CSMD1: variants seen among roughly 807,000 people sequenced by gnomAD.
CSMD1 encodes the protein CUB and sushi domain-containing protein 1.
Under a neutral mutation model 417.5 loss-of-function variants are expected in CSMD1, and 213 were observed. The ratio of observed to expected loss-of-function variants is 0.51; its 90% confidence interval spans 0.46 to 0.57. The LOEUF is 0.57. Ranked by LOEUF, CSMD1 falls within the 20% of genes least tolerant of loss-of-function variation. The pLI is 0.00. For synonymous variants in CSMD1, 2,862 were observed against 1,736.8 expected (o/e 1.65, Z -16.11); for missense variants, 6,923 against 4,529.7 (o/e 1.53, Z -15.17).
intron 3 of CSMD1, among the ~76,000 whole-genome samples, chr8:4,333,638 C>G (rs981921293): frequency 1.2e-4 from 18 of 152,090 alleles, no homozygotes; most frequent in Admixed American, 1.3e-4. Context: ...TGATCTAAAT[C>G]TAGACACACT....
chr8:3,673,741 A>G (rs1447860839), intron 7 of CSMD1, among the ~76,000 whole-genome samples: 2 of 152,288 alleles, frequency 1.3e-5, no homozygotes, highest in East Asian at 1.9e-4. Flanking sequence ...CCACGAAACT[A>G]TTGGAGCTAT....
chr8:3,099,697 T>A (rs1815593431), intron 46 of CSMD1, among the ~76,000 whole-genome samples: 1 of 152,290 alleles, frequency 6.6e-6, no homozygotes, highest in African/African-American at 2.4e-5. Flanking sequence ...CATCCTGGGG[T>A]TTGACAGCAG....
At position 3,439,281 on chromosome 8, in the gene CSMD1, G is replaced by GTATATATATA. The variant is rs1168340584; in HGVS notation, c.1561+29421_1561+29430dup. ...TATTTGAGAGCATTTGGCAATGTCA[G>GTATATATATA]TATATATATATATATATATATATAT... On this transcript the variant is annotated intron_variant, in intron 12 of 69. Transcript: ENST00000635120. Among the ~76,000 whole-genome samples, 33 of 54,312 alleles carry GTATATATATA rather than the reference G, an allele frequency of 6.1e-4. 1 individual carries two copies. The highest frequency in any genetic ancestry group is 1.1e-3 in the African/African-American group (13 of 11,874). The allele number at this position is 54,312 out of a possible 152,430, so 35.6% of individuals were successfully genotyped here. A position where few individuals can be genotyped will look rare whatever the true frequency, so the allele number is the denominator to read the frequency against.
intron 3 of CSMD1, among the ~76,000 whole-genome samples, chr8:4,072,052 T>C (rs1294453228): frequency 6.6e-6 from 1 of 151,952 alleles, no homozygotes. Flanking sequence ...TAGGATAGAG[T>C]TTTGGTTTTG....
chr8:3,273,506 G>A (rs893065437), intron 26 of CSMD1, among the ~76,000 whole-genome samples: 6 of 152,176 alleles, frequency 3.9e-5, no homozygotes, highest in African/African-American at 7.2e-5. Context: ...CAGAAGGAAT[G>A]GTACAAATTC....
chr8:4,081,165 T>C (rs1031884074), intron 3 of CSMD1, among the ~76,000 whole-genome samples: 7 of 152,152 alleles, frequency 4.6e-5, no homozygotes, highest in African/African-American at 1.4e-4. Flanking sequence ...TCCAGCATTG[T>C]GATAAATAAA....
At chr8:3,993,913 A>T (rs765579128) in intron 5 of CSMD1, among the ~76,000 whole-genome samples, 3 of 152,174 alleles carry the variant, frequency 2.0e-5, no homozygotes, top group Non-Finnish European at 4.4e-5. Context: ...CCACGTGGAA[A>T]CGTGCAGCTG....
At chr8:4,166,776 G>A (rs1056701221) in intron 3 of CSMD1, among the ~76,000 whole-genome samples, 3 of 152,128 alleles carry the variant, frequency 2.0e-5, no homozygotes, top group Admixed American at 2.0e-4. Flanking sequence ...GCAAAATGTA[G>A]CCCTACCAAA....
chr8:4,777,908 C>T (rs569597809), intron 1 of CSMD1, among the ~76,000 whole-genome samples: 170 of 152,318 alleles, frequency 1.1e-3, no homozygotes, highest in African/African-American at 4.0e-3. Context: ...ACCTATCCCA[C>T]ATCAAAGGGC....
intron 7 of CSMD1, among the ~76,000 whole-genome samples, chr8:3,651,503 A>G (rs1225223526): frequency 1.3e-5 from 2 of 152,088 alleles, no homozygotes; most frequent in Non-Finnish European, 2.9e-5. Flanking sequence ...TTATCTGCAT[A>G]GCTGGCCTCG....
intron 3 of CSMD1, among the ~76,000 whole-genome samples, chr8:4,408,479 A>G (rs1211023904): frequency 6.6e-6 from 1 of 152,234 alleles, no homozygotes; most frequent in Non-Finnish European, 1.5e-5. Flanking sequence ...ACTGTTTTTA[A>G]TAGCTTAATT....
chr8:3,605,294 G>C (rs1395009617), intron 8 of CSMD1, among the ~76,000 whole-genome samples: 1 of 152,166 alleles, frequency 6.6e-6, no homozygotes, highest in African/African-American at 2.4e-5. Flanking sequence ...CCAGATGAAA[G>C]CAATTCTTAC....
intron 52 of CSMD1, among the ~76,000 whole-genome samples, chr8:3,017,218 G>A (rs915437052): frequency 6.6e-6 from 1 of 152,170 alleles, no homozygotes; most frequent in Non-Finnish European, 1.5e-5. Flanking sequence ...CCCTCCCAGT[G>A]GAACTGGGCT....
At chr8:4,984,453 G>A (rs1811063663) in intron 1 of CSMD1, among the ~76,000 whole-genome samples, 1 of 152,198 alleles carries the variant, frequency 6.6e-6, no homozygotes, top group South Asian at 2.1e-4. Context: ...GTGGCCCTGA[G>A]CATCAGTGTT....
In CSMD1 at chr8:4,716,726, C is replaced by G. The variant is rs375784356; in HGVS notation, c.86-79168G>C. 3.9e-5 allele frequency among the ~76,000 whole-genome samples: 6 copies of G among 152,202 alleles called. No individual in the cohort carries two copies. In the East Asian group the frequency reaches 1.2e-3, roughly 29 times the overall value. ...TTCAAGATGATTTTAATTTTGTAGT[C>G]TTGTGAGAATTAACTAAAAACTGAG... On this transcript the variant is annotated intron_variant, in intron 1 of 69. Coordinates refer to ENST00000635120, the MANE Select transcript of CSMD1 (RefSeq NM_033225.6).
At chr8:4,364,460 A>G (rs1620604) in intron 3 of CSMD1, among the ~76,000 whole-genome samples, 3,768 of 152,216 alleles carry the variant, frequency 0.025, 152 homozygotes, top group African/African-American at 0.086. Flanking sequence ...AAAGTAATCT[A>G]TTTTTAGTAA....
At chr8:3,869,788 C>T (rs1451522565) in intron 5 of CSMD1, among the ~76,000 whole-genome samples, 17 of 152,060 alleles carry the variant, frequency 1.1e-4, no homozygotes, top group Admixed American at 1.1e-3. Flanking sequence ...TCAGGGAAGG[C>T]AAGATGGGAG....
chr8:3,218,658 G>C (rs957516231), intron 29 of CSMD1, among the ~76,000 whole-genome samples: 1 of 151,986 alleles, frequency 6.6e-6, no homozygotes, highest in African/African-American at 2.4e-5. Context: ...GATCACCTGA[G>C]GTCAGGAGAT....
intron 3 of CSMD1, among the ~76,000 whole-genome samples, chr8:4,206,897 A>G (rs1379606005): frequency 6.6e-6 from 1 of 152,232 alleles, no homozygotes; most frequent in Non-Finnish European, 1.5e-5. Context: ...CAGAAACTAA[A>G]TATTTTATAA....
Sources: gnomAD v4.1 joint callset for allele counts (sites outside exome capture counted in the v4.1 genomes callset) on GRCh38, gnomAD v4.1.1 for gene constraint, MANE v1.5 for transcripts, NCBI Gene and HGNC (gene_info 2026-07-23, HGNC 2026-07-21) for gene names.